Variants in SLC12A7 observed in about 807,000 individuals in gnomAD.
SLC12A7 encodes K-Cl cotransporter 4.
A neutral mutation model predicts 120.6 loss-of-function variants in SLC12A7; 100 were observed. The observed-to-expected ratio is 0.83, with a 90% CI of 0.71 to 0.98. The LOEUF (loss-of-function observed/expected upper bound fraction) is 0.98. Among genes scored for constraint, SLC12A7 ranks in the 50% least tolerant of loss-of-function variants. The pLI is 0.00. For synonymous variants in SLC12A7, 760 were observed against 678.0 expected (o/e 1.12, Z -1.88); for missense variants, 1,373 against 1,548.1 (o/e 0.89, Z 1.90).
the SLC12A7 span, among the ~76,000 whole-genome samples, chr5:1,143,698 C>T: frequency 1.3e-5 from 2 of 152,178 alleles, no homozygotes; most frequent in Non-Finnish European, 2.9e-5. Context: ...TCACCCAGAG[C>T]GCTGCCACCC....
the SLC12A7 span, among the ~76,000 whole-genome samples, chr5:1,136,420 G>A: frequency 4.2e-4 from 55 of 130,100 alleles, 1 homozygote; most frequent in African/African-American, 1.4e-3. Flanking sequence ...GGACACGCAG[G>A]CACACGTGTG....
At chr5:1,146,224 C>G in the SLC12A7 span, among the ~76,000 whole-genome samples, 1 of 152,200 alleles carries the variant, frequency 6.6e-6, no homozygotes, top group Non-Finnish European at 1.5e-5. The surrounding 1 kb of genome is among the most constrained non-coding windows in gnomAD (Gnocchi z 6.5). Flanking sequence ...TGAGGCTCCT[C>G]TGGGAGAGTC....
rs140886815 is a variant in SLC12A7, at chr5:1,083,941, C to T, written c.933G>A (p.Gly311=). 2 of 1,602,660 alleles carry T rather than the reference C, an allele frequency of 1.2e-6. No individual in the cohort carries two copies. Among genetic ancestry groups the T allele is most frequent in the Admixed American group, 3.3e-5 (2 of 59,950 alleles). ...DPPDIPVCLL[G]NRTLSRRSFD... The stretch of plus-strand genomic sequence containing the variant: ...AGCTGCGCCGTGACAGCGTGCGGTT[C>T]CCCAGGAGGCAGACCCTGGGCGGGA... Residue 311 remains glycine (G), a synonymous_variant, in exon 8 of 24, where the codon GGG becomes GGA. Coordinates refer to ENST00000264930, the MANE Select transcript of SLC12A7 (RefSeq NM_006598.3).
At chr5:1,123,648 C>T in the SLC12A7 span, among the ~76,000 whole-genome samples, 18 of 152,232 alleles carry the variant, frequency 1.2e-4, no homozygotes, top group East Asian at 5.8e-4. Flanking sequence ...GGCCGGGGGC[C>T]GCGGTCAGCT....
At chr5:1,155,424 G>A in the SLC12A7 span, among the ~76,000 whole-genome samples, 1 of 145,582 alleles carries the variant, frequency 6.9e-6, no homozygotes, top group East Asian at 2.3e-4. Context: ...GGAGCTGTCG[G>A]CCCATCCCCG....
At chr5:1,065,172 G>C (rs1374915204) in intron 18 of SLC12A7, 111 bp downstream of exon 18, 13 of 608,810 alleles carry the variant, frequency 2.1e-5, no homozygotes, top group Admixed American at 3.6e-5. Flanking sequence ...AGGGGACAGT[G>C]AGAGGACAGC....
the SLC12A7 span, among the ~76,000 whole-genome samples, chr5:1,129,466 C>T: frequency 7.9e-5 from 12 of 152,144 alleles, no homozygotes; most frequent in Admixed American, 7.9e-4. Flanking sequence ...GCGTAAGGGA[C>T]AGAACCAGGC....
chr5:1,054,011 A>T (rs1468131480), intron 22 of SLC12A7, among the ~76,000 whole-genome samples: 1 of 152,212 alleles, frequency 6.6e-6, no homozygotes, highest in African/African-American at 2.4e-5. Flanking sequence ...AAGCTCAGGA[A>T]GGAAAGGCCC....
chr5:1,140,262 A>G, the SLC12A7 span, among the ~76,000 whole-genome samples: 1 of 152,178 alleles, frequency 6.6e-6, no homozygotes, highest in Non-Finnish European at 1.5e-5. Flanking sequence ...CTCCTGAGAA[A>G]GGTGGCCCTG....
intron 1 of SLC12A7, among the ~76,000 whole-genome samples, chr5:1,099,187 C>T (rs1368522113): frequency 6.6e-6 from 1 of 152,172 alleles, no homozygotes. Context: ...CAGATCAGGT[C>T]TCCCCAGCCA....
chr5:1,118,082 A>AC, the SLC12A7 span, among the ~76,000 whole-genome samples: 12 of 152,228 alleles, frequency 7.9e-5, no homozygotes, highest in African/African-American at 2.7e-4. Context: ...TCTCAAAAAA[A>AC]GAAAAAAAGA....
In SLC12A7 at chr5:1,075,419, G is replaced by A. The variant is rs778148068; in HGVS notation, c.1919C>T (p.Ser640Phe). 1.2e-6 allele frequency: 2 copies of A among 1,612,552 alleles called. No individual in the cohort carries two copies. The highest frequency in any genetic ancestry group is 3.3e-5 in the Admixed American group (2 of 59,992). ...GATGCAGCCAGCGATGAGCATGGCG[G>A]ACAGCGCGTAGTACCAGGAGCAGAT... is the stretch of plus-strand genomic sequence containing the variant. Reference protein sequence around the residue: ...MFICSWYYALSAMLIAGCIYK... With the variant: ...MFICSWYYALFAMLIAGCIYK... The change falls in exon 15 of 24, where the codon TCC becomes TTC. Residue 640 changes from serine to phenylalanine, a missense_variant. By Grantham distance (155) the Ser-to-Phe change is radical (BLOSUM62 -2). Coordinates refer to ENST00000264930, the MANE Select transcript of SLC12A7 (RefSeq NM_006598.3).
chr5:1,052,583 A>G (rs1735161695), intron 23 of SLC12A7, 132 bp from the exon 24 acceptor site: 1 of 740,644 alleles, frequency 1.4e-6, no homozygotes, highest in African/African-American at 1.7e-5. Flanking sequence ...CAAGGTGAAA[A>G]GAGAGGTGGG....
intron 1 of SLC12A7, among the ~76,000 whole-genome samples, chr5:1,106,264 C>T (rs1742520784): frequency 6.6e-6 from 1 of 152,182 alleles, no homozygotes; most frequent in African/African-American, 2.4e-5. Flanking sequence ...ACCAGCTTGG[C>T]CAACATGGCA....
At chr5:1,078,078 C>CACCCAGAGCGAGGG (rs1738578303) in intron 11 of SLC12A7, 71 bp from the exon 12 acceptor site, 1 of 1,483,722 alleles carries the variant, frequency 6.7e-7, no homozygotes, top group Non-Finnish European at 9.0e-7. Context: ...TGTCTTCTCC[C>CACCCAGAGCGAGGG]ACCCAGAGCG....
rs755681260 is a variant in SLC12A7, at chr5:1,087,057, G to A, written c.545-24C>T. ...AGCTGCGGAGACAAAGGCGGCAGCC[G>A]CGGGTCAGGGGCGCACTTGGACTCG... On this transcript the variant is annotated intron_variant, in intron 5 of 23. Transcript: ENST00000264930. 47 of 1,603,860 alleles carry A rather than the reference G, an allele frequency of 2.9e-5. 1 individual carries two copies. In the East Asian group the frequency reaches 4.3e-4, roughly 15 times the overall value.
intron 11 of SLC12A7, 126 bp from the exon 12 acceptor site, chr5:1,078,133 C>T (rs1276697318): frequency 7.7e-6 from 9 of 1,168,562 alleles, no homozygotes; most frequent in African/African-American, 3.1e-5. Flanking sequence ...AGCTGAGGCC[C>T]GGCCTCCAGT....
chr5:1,118,210 A>G, the SLC12A7 span, among the ~76,000 whole-genome samples: 1 of 152,192 alleles, frequency 6.6e-6, no homozygotes, highest in East Asian at 1.9e-4. Context: ...TTTGAGTGAC[A>G]GTAAAACTCC....
intron 9 of SLC12A7, among the ~76,000 whole-genome samples, 176 bp downstream of exon 9, chr5:1,081,401 G>A (rs1291274149): frequency 6.6e-6 from 1 of 152,148 alleles, no homozygotes; most frequent in Non-Finnish European, 1.5e-5. Flanking sequence ...TGGGTGCCTG[G>A]GGTCCCAGCT....
Sources: allele counts gnomAD v4.1 joint callset (sites outside exome capture counted in the v4.1 genomes callset), GRCh38; gene constraint gnomAD v4.1.1; non-coding constraint Gnocchi (gnomAD v3.1); transcripts MANE v1.5; gene names NCBI Gene and HGNC (gene_info 2026-07-23, HGNC 2026-07-21).